Variants in SFMBT2 observed in about 807,000 individuals in gnomAD.
SFMBT2 encodes scm-like with four MBT domains protein 2.
A neutral mutation model predicts 110.1 loss-of-function variants in SFMBT2; 38 were observed. The ratio of observed to expected loss-of-function variants is 0.35; its 90% CI spans 0.27 to 0.45. SFMBT2 has a LOEUF of 0.45. SFMBT2 is among the 20% of genes least tolerant of loss of function. The pLI, the probability that SFMBT2 is intolerant of heterozygous loss-of-function variation, is 1.00. For missense variants in SFMBT2, 1,011 were observed against 1,094.9 expected, an observed-to-expected ratio of 0.92 and a Z score of 1.08; for synonymous variants, 425 against 425.4, an observed-to-expected ratio of 1.00 and a Z score of 0.01.
intron 7 of SFMBT2, among the ~76,000 whole-genome samples, chr10:7,262,079 T>C (rs1025944327): frequency 2.6e-5 from 4 of 152,226 alleles, no homozygotes; most frequent in African/African-American, 9.6e-5. Flanking sequence ...TCATTTTCCA[T>C]TAGCTCTCAA....
At chr10:7,329,614 A>G in intron 4 of SFMBT2, 4 of 579,578 alleles carry the variant, frequency 6.9e-6, no homozygotes, top group Non-Finnish European at 8.7e-6. Flanking sequence ...TCGGTTAGAA[A>G]TCCAGATGGA....
At chr10:7,387,671 C>G (rs12762015) in intron 1 of SFMBT2, among the ~76,000 whole-genome samples, 2 of 151,670 alleles carry the variant, frequency 1.3e-5, no homozygotes, top group African/African-American at 4.9e-5. Flanking sequence ...TGGCTCACGT[C>G]TGTAATCCCA....
At chr10:7,286,680 A>C (rs1842100740) in intron 4 of SFMBT2, among the ~76,000 whole-genome samples, 1 of 152,218 alleles carries the variant, frequency 6.6e-6, no homozygotes, top group African/African-American at 2.4e-5. Flanking sequence ...AAAGATGTAC[A>C]TAGGTTATGT....
chr10:7,259,989 A>C (rs571444111), intron 7 of SFMBT2, among the ~76,000 whole-genome samples: 1 of 152,362 alleles, frequency 6.6e-6, no homozygotes, highest in East Asian at 1.9e-4. Context: ...TAAGATTCAA[A>C]GATGCTGTTA....
At chr10:7,199,553 GA>G (rs1371092039) in intron 14 of SFMBT2, among the ~76,000 whole-genome samples, 1 of 152,220 alleles carries the variant, frequency 6.6e-6, no homozygotes, top group Admixed American at 6.5e-5. Context: ...TATAGACTAT[GA>G]AAGGGTAGCT....
chr10:7,235,802 C>A (rs1167727679), intron 9 of SFMBT2, among the ~76,000 whole-genome samples: 1 of 152,082 alleles, frequency 6.6e-6, no homozygotes, highest in Non-Finnish European at 1.5e-5. Flanking sequence ...TTGACCTGAC[C>A]AACTGATGTG....
intron 7 of SFMBT2, among the ~76,000 whole-genome samples, chr10:7,271,759 C>T (rs905908501): frequency 2.0e-5 from 3 of 152,152 alleles, no homozygotes. Flanking sequence ...GGAGGTCTCA[C>T]AATCATAGTG....
intron 15 of SFMBT2, 145 bp from the exon 16 acceptor site, chr10:7,188,878 T>A (rs749644178): frequency 8.1e-5 from 53 of 655,552 alleles, no homozygotes; most frequent in Non-Finnish European, 1.1e-4. Context: ...TTAAGTCTGA[T>A]AGAACACTTG....
chr10:7,320,719 G>A (rs1377506686), intron 4 of SFMBT2: 9 of 573,732 alleles, frequency 1.6e-5, no homozygotes, highest in South Asian at 7.7e-5. Context: ...AGTGTTTTGC[G>A]GGCTGACATG....
At chr10:7,235,812 G>A (rs1840234370) in intron 9 of SFMBT2, among the ~76,000 whole-genome samples, 1 of 152,080 alleles carries the variant, frequency 6.6e-6, no homozygotes, top group African/African-American at 2.4e-5. Context: ...CAACTGATGT[G>A]GCAATAAATC....
intron 11 of SFMBT2, among the ~76,000 whole-genome samples, chr10:7,216,682 C>T (rs1003046139): frequency 5.3e-5 from 8 of 152,044 alleles, no homozygotes; most frequent in Admixed American, 2.0e-4. Flanking sequence ...TTGTGGTCAC[C>T]GTCCCCACAT....
chr10:7,294,274 G>C (rs1842342584), intron 4 of SFMBT2, among the ~76,000 whole-genome samples: 1 of 152,194 alleles, frequency 6.6e-6, no homozygotes, highest in South Asian at 2.1e-4. Context: ...TGGGATAAAA[G>C]GATGAGACGT....
At position 7,171,869 on chromosome 10, in the gene SFMBT2, CCT is replaced by C. The variant is rs1210502016; in HGVS notation, c.2415+24_2415+25del. 7.1e-7 allele frequency: 1 copy of C among 1,404,464 alleles called. No individual in the cohort carries two copies. The highest frequency in any genetic ancestry group is 9.2e-7 in the Non-Finnish European group (1 of 1,082,316). 87.0% of individuals were successfully genotyped at this position (1,404,464 alleles called of 1,614,324 possible). On this transcript the variant is annotated intron_variant, in intron 19 of 20. Coordinates refer to ENST00000397167, the MANE Select transcript of SFMBT2 (RefSeq NM_001387889.1). The surrounding 1 kb of genome is among the most constrained non-coding windows in gnomAD (Gnocchi z 4.9). The stretch of plus-strand genomic sequence containing the variant: ...TGCTTCTTCAGACCCAGCGGGAAGC[CCT>C]CTGTCCCCACGCCCGGGCATCACCT...
chr10:7,384,550 T>C (rs1271473648), intron 1 of SFMBT2, among the ~76,000 whole-genome samples: 1 of 152,222 alleles, frequency 6.6e-6, no homozygotes. Context: ...AGTTATCTTA[T>C]ATCCCCAGTG....
chr10:7,277,248 G>A (rs1841810812), intron 6 of SFMBT2: 1 of 153,678 alleles, frequency 6.5e-6, no homozygotes, highest in South Asian at 2.1e-4. Flanking sequence ...TATGCATTTA[G>A]TTGGCATTCT....
At chr10:7,211,241 C>T (rs927405440) in intron 11 of SFMBT2, among the ~76,000 whole-genome samples, 1 of 152,040 alleles carries the variant, frequency 6.6e-6, no homozygotes, top group Non-Finnish European at 1.5e-5. Flanking sequence ...GGGCCCCATA[C>T]AGTTCTTGCA....
At chr10:7,199,298 T>C (rs1230943272) in intron 14 of SFMBT2, among the ~76,000 whole-genome samples, 2 of 152,132 alleles carry the variant, frequency 1.3e-5, no homozygotes, top group African/African-American at 4.8e-5. Flanking sequence ...TTAATGTCTA[T>C]AAATGTAGAA....
intron 7 of SFMBT2, among the ~76,000 whole-genome samples, chr10:7,271,655 T>C (rs1371765252): frequency 6.6e-6 from 1 of 152,166 alleles, no homozygotes. Context: ...AAAATAGGTA[T>C]GCATTAGTCC....
rs542965171 is a variant in SFMBT2 at position 7,367,478 on chromosome 10, C to T, written c.436+171G>A. On this transcript the variant is annotated intron_variant, in intron 4 of 20. Transcript: ENST00000397167. The surrounding 1 kb of genome is among the most constrained non-coding windows in gnomAD (Gnocchi z 6.2). The stretch of plus-strand genomic sequence containing the variant: ...ACCAGCTCTGACATCTGAAAATGCA[C>T]TGATCTCCCTCCAGCTAAGGAAACC... Among the ~76,000 whole-genome samples the T allele has an allele frequency of 2.5e-4, 38 of 152,346 alleles. No individual in the cohort carries two copies. Among genetic ancestry groups the T allele is most frequent in the South Asian group, 1.9e-3 (9 of 4,832 alleles).
Sources: gnomAD v4.1 joint callset for allele counts (sites outside exome capture counted in the v4.1 genomes callset) on GRCh38, gnomAD v4.1.1 for gene constraint, Gnocchi (gnomAD v3.1) non-coding constraint, MANE v1.5 for transcripts, NCBI Gene and HGNC (gene_info 2026-07-23, HGNC 2026-07-21) for gene names.